The following TUSC3 variants were observed in gnomAD, a reference collection of about 807,000 sequenced individuals.
The protein encoded by TUSC3 is dolichyl-diphosphooligosaccharide--protein glycosyltransferase subunit TUSC3.
In TUSC3, 45 loss-of-function variants were observed where a neutral mutation model predicts 44.8. The ratio of observed to expected loss-of-function variants is 1.00; its 90% CI spans 0.79 to 1.29. The LOEUF (loss-of-function observed/expected upper bound fraction) is 1.29. Among genes scored for constraint, TUSC3 ranks in the 50% most tolerant of loss-of-function variants. The pLI is 0.00. For missense variants in TUSC3, 519 were observed against 437.9 expected, an observed-to-expected ratio of 1.19 and a Z score of -1.65; for synonymous variants, 212 against 152.9, an observed-to-expected ratio of 1.39 and a Z score of -2.85.
At chr8:15,530,534 C>G (rs766768728) in intron 2 of TUSC3, among the ~76,000 whole-genome samples, 3 of 152,110 alleles carry the variant, frequency 2.0e-5, no homozygotes, top group South Asian at 4.1e-4. Context: ...AAATAATCTG[C>G]CTGAGGTCAC....
At chr8:15,786,941 C>CAAAAA in the TUSC3 span, among the ~76,000 whole-genome samples, 144 of 63,316 alleles carry the variant, frequency 2.3e-3, no homozygotes, top group East Asian at 4.1e-3. Context: ...GAGACTCCAT[C>CAAAAA]AAAAAAAAAA....
At chr8:15,654,280 C>G (rs1046825612) in intron 3 of TUSC3, among the ~76,000 whole-genome samples, 2 of 151,954 alleles carry the variant, frequency 1.3e-5, no homozygotes, top group Non-Finnish European at 2.9e-5. Context: ...GAGAAACAAA[C>G]ATGAACAAAG....
At chr8:15,843,612 A>AG in the TUSC3 span, among the ~76,000 whole-genome samples, 1 of 147,702 alleles carries the variant, frequency 6.8e-6, no homozygotes, top group Non-Finnish European at 1.5e-5. Context: ...ATATATATAT[A>AG]TATATATATA....
chr8:15,553,561 T>A (rs1051422067), intron 1 of TUSC3, among the ~76,000 whole-genome samples: 1 of 100,816 alleles, frequency 9.9e-6, no homozygotes, highest in Non-Finnish European at 2.2e-5. Context: ...CAAGGAGAGG[T>A]CAAAAGTGAT....
At chr8:15,843,323 T>A in the TUSC3 span, among the ~76,000 whole-genome samples, 3 of 152,172 alleles carry the variant, frequency 2.0e-5, no homozygotes, top group Non-Finnish European at 4.4e-5. Flanking sequence ...TTGGAAAAGC[T>A]GGTGGAATAT....
intron 7 of TUSC3, among the ~76,000 whole-genome samples, chr8:15,734,004 C>T (rs1473421323): frequency 6.6e-6 from 1 of 152,158 alleles, no homozygotes; most frequent in Non-Finnish European, 1.5e-5. Context: ...TGCTCACACA[C>T]TACACTTGAA....
intron 1 of TUSC3, among the ~76,000 whole-genome samples, chr8:15,444,909 A>AGGG (rs766652395): frequency 3.9e-5 from 6 of 152,160 alleles, no homozygotes; most frequent in Non-Finnish European, 7.4e-5. Context: ...AACTCCTGGA[A>AGGG]GGGAGGTAAG....
chr8:15,661,336 G>C (rs1807415450), intron 4 of TUSC3, among the ~76,000 whole-genome samples: 1 of 151,924 alleles, frequency 6.6e-6, no homozygotes, highest in African/African-American at 2.4e-5. Context: ...TGTCTTGTAA[G>C]CTTCTTTTAA....
chr8:15,685,207 A>C lies in TUSC3; in HGVS notation c.798+11371A>C, dbSNP rs548430838. On this transcript the variant is annotated intron_variant, in intron 6 of 10. Coordinates refer to ENST00000503731, the MANE Select transcript of TUSC3 (RefSeq NM_006765.4). ...TCAGAGGTCTTTGGGGGTCTTGGGA[A>C]ACCTGTAGCTGGGATCCCAGAGGTA... 1.8e-4 allele frequency among the ~76,000 whole-genome samples: 28 copies of C among 152,120 alleles called. No homozygotes were observed. The South Asian group carries it at 5.8e-3, about 32-fold the overall frequency.
At chr8:15,842,670 T>C in the TUSC3 span, among the ~76,000 whole-genome samples, 1 of 152,198 alleles carries the variant, frequency 6.6e-6, no homozygotes, top group Admixed American at 6.5e-5. Context: ...GCTAAACAGC[T>C]ACCGTTCCTG....
At chr8:15,691,946 AATTTTTGT>A in intron 6 of TUSC3, among the ~76,000 whole-genome samples, 1 of 151,796 alleles carries the variant, frequency 6.6e-6, no homozygotes, top group Non-Finnish European at 1.5e-5. Context: ...ATGCCTGGCT[AATTTTTGT>A]ATTTTTAGTA....
chr8:15,586,797 G>A (rs985655009), intron 1 of TUSC3, among the ~76,000 whole-genome samples: 21 of 152,136 alleles, frequency 1.4e-4, no homozygotes, highest in Admixed American at 3.9e-4. Context: ...GTGTTTAAGG[G>A]ATAACAGCAT....
chr8:15,564,343 A>G (rs992806868), intron 1 of TUSC3, among the ~76,000 whole-genome samples: 2 of 152,204 alleles, frequency 1.3e-5, no homozygotes, highest in Non-Finnish European at 2.9e-5. Context: ...CTCATTTGAA[A>G]TATTCATATA....
At chr8:15,448,206 C>T (rs1030407683) in intron 1 of TUSC3, among the ~76,000 whole-genome samples, 35 of 150,290 alleles carry the variant, frequency 2.3e-4, no homozygotes, top group African/African-American at 8.6e-4. Context: ...GCAACCTCTG[C>T]CTCCTGGGTT....
chr8:15,619,743 C>G (rs1250755487), intron 1 of TUSC3, among the ~76,000 whole-genome samples: 1 of 152,138 alleles, frequency 6.6e-6, no homozygotes, highest in Non-Finnish European at 1.5e-5. Context: ...ATCTCCTGAC[C>G]TTGTGAGCTG....
intron 1 of TUSC3, among the ~76,000 whole-genome samples, chr8:15,448,121 T>TATATATATATATATATA (rs1354912985): frequency 3.5e-4 from 9 of 25,872 alleles, no homozygotes; most frequent in East Asian, 3.6e-3. Flanking sequence ...ATATATATAT[T>TATATATATATATATATA]TATTTATTTA....
intron 2 of TUSC3, among the ~76,000 whole-genome samples, chr8:15,534,377 C>T (rs151230046): frequency 5.9e-5 from 9 of 152,178 alleles, no homozygotes; most frequent in South Asian, 2.1e-4. Context: ...GGCGCGGTGA[C>T]GCACACCTGT....
At chr8:15,784,472 G>A in the TUSC3 span, among the ~76,000 whole-genome samples, 4 of 151,872 alleles carry the variant, frequency 2.6e-5, no homozygotes, top group African/African-American at 9.7e-5. Flanking sequence ...CATCATGAAT[G>A]AATGGATTCG....
chr8:15,738,811 CTATTAA>C (rs1337711626), intron 7 of TUSC3, among the ~76,000 whole-genome samples: 5 of 112,854 alleles, frequency 4.4e-5, no homozygotes, highest in Non-Finnish European at 9.7e-5. Flanking sequence ...GACAAAATTA[CTATTAA>C]TATATCTTGC....
Sources: gnomAD v4.1 joint callset for allele counts (sites outside exome capture counted in the v4.1 genomes callset) on GRCh38, gnomAD v4.1.1 for gene constraint, MANE v1.5 for transcripts, NCBI Gene and HGNC (gene_info 2026-07-23, HGNC 2026-07-21) for gene names.